PCDHA2: variants seen among roughly 807,000 people sequenced by gnomAD.
PCDHA2 encodes the protein protocadherin alpha 2, also known as protocadherin alpha-2.
In PCDHA2, 58 loss-of-function variants were observed where a neutral mutation model predicts 66.0. The observed-to-expected ratio is 0.88, with a 90% CI of 0.71 to 1.09. The LOEUF (loss-of-function observed/expected upper bound fraction) is 1.09. PCDHA2 is among the 50% of genes least tolerant of loss of function. The probability of loss-of-function intolerance (pLI) is 0.00; values close to 1 mark genes in which losing one functional copy is unlikely to be tolerated. For missense variants in PCDHA2, 1,267 were observed against 1,242.3 expected, an observed-to-expected ratio of 1.02 and a Z score of -0.30; for synonymous variants, 634 against 554.0, an observed-to-expected ratio of 1.14 and a Z score of -2.03.
intron 3 of PCDHA2, among the ~76,000 whole-genome samples, chr5:141,000,680 T>C (rs953789526): frequency 1.3e-5 from 2 of 151,376 alleles, no homozygotes; most frequent in African/African-American, 2.4e-5. Flanking sequence ...CACCTGCCTC[T>C]GCCTCCCAAA....
At chr5:140,828,094 G>A in intron 1 of PCDHA2, 2 of 1,600,150 alleles carry the variant, frequency 1.2e-6, no homozygotes, top group Non-Finnish European at 1.7e-6. Context: ...TATTTGACAT[G>A]GTGTTTACCC....
intron 1 of PCDHA2, chr5:140,861,215 A>G (rs77020201): frequency 0.081 from 13,442 of 165,830 alleles, 594 homozygotes; most frequent in Middle Eastern, 0.11. Flanking sequence ...TAACCAAAAG[A>G]GAGGCATAAT....
intron 1 of PCDHA2, chr5:140,858,504 C>A: frequency 4.8e-6 from 7 of 1,454,340 alleles, no homozygotes; most frequent in Non-Finnish European, 6.6e-6. Flanking sequence ...CGCATTTTCT[C>A]AAATATGTAT....
chr5:140,863,854 A>T (rs984993232), intron 1 of PCDHA2: 2 of 177,552 alleles, frequency 1.1e-5, no homozygotes, highest in Admixed American at 1.1e-4. Context: ...TAAAAAAATT[A>T]GCTGGGTGTG....
In PCDHA2 at chr5:141,000,611, A is replaced by T. The variant is rs185617081; in HGVS notation, c.2537-9016A>T. Among the ~76,000 whole-genome samples the T allele has an allele frequency of 4.7e-3, 713 of 150,994 alleles. 3 individuals carry two copies. Among genetic ancestry groups the T allele is most frequent in the Non-Finnish European group, 7.5e-3 (505 of 67,758 alleles). ...CCCAGCTAATTTTTGTATTTTTAGT[A>T]GAGACAGGGTTTCACCATGTTGGGC... On this transcript the variant is annotated intron_variant, in intron 3 of 3. Transcript: ENST00000526136.
intron 1 of PCDHA2, chr5:140,809,416 T>G: frequency 1.9e-6 from 3 of 1,614,080 alleles, no homozygotes; most frequent in Non-Finnish European, 2.5e-6. Context: ...TGTGCTCCAG[T>G]GCGGTGGGGA....
intron 1 of PCDHA2, chr5:140,875,400 T>C: frequency 6.7e-7 from 1 of 1,485,268 alleles, no homozygotes; most frequent in Admixed American, 2.6e-5. Flanking sequence ...AAAGGGTGAC[T>C]GCTCATAAAA....
At chr5:140,873,403 G>A (rs2054270816) in intron 1 of PCDHA2, among the ~76,000 whole-genome samples, 1 of 152,046 alleles carries the variant, frequency 6.6e-6, no homozygotes, top group South Asian at 2.1e-4. Flanking sequence ...TTCAGTACAG[G>A]TTAAAATTTT....
Position 141,004,229 on chromosome 5 carries a change from T to G in PCDHA2, c.2537-5398T>G, listed in dbSNP as rs368330742. On this transcript the variant is annotated intron_variant, in intron 3 of 3. Transcript: ENST00000526136. ...AGATTAGGAGGTCAGTCAGTGTTTG[T>G]CAGATCCTTAAGCTTTTGTTTTACT... Among the ~76,000 whole-genome samples, 5 of 152,250 alleles carry G rather than the reference T, an allele frequency of 3.3e-5. No individual in the cohort carries two copies. The East Asian group carries it at 7.7e-4, about 23-fold the overall frequency.
chr5:140,870,527 C>T, intron 1 of PCDHA2: 1 of 1,614,236 alleles, frequency 6.2e-7, no homozygotes, highest in Non-Finnish European at 8.5e-7. Context: ...CACATCTTCA[C>T]AGTGTCGGCG....
intron 1 of PCDHA2, chr5:140,809,029 G>A: frequency 3.1e-6 from 5 of 1,613,858 alleles, no homozygotes; most frequent in African/African-American, 1.3e-5. Context: ...TGCAGCCGGG[G>A]ACTGGTGGCG....
chr5:140,968,357 C>A (rs1554230636), intron 1 of PCDHA2: 2 of 1,614,080 alleles, frequency 1.2e-6, no homozygotes, highest in Non-Finnish European at 1.7e-6. Flanking sequence ...CAGTGGCAGC[C>A]TTTATGCTGT....
Position 140,842,580 on chromosome 5 carries a change from C to G in PCDHA2, c.2388+45228C>G. ...GCCCTGGACCGCGAGAGAGTGTCGG[C>G]CTATGAGTTGGTGGTAACCGCGCGG... On this transcript the variant is annotated intron_variant, in intron 1 of 3. Coordinates refer to ENST00000526136, the MANE Select transcript of PCDHA2 (RefSeq NM_018905.3). 1 of 1,517,750 alleles carries G rather than the reference C, an allele frequency of 6.6e-7. No homozygotes were observed. The highest frequency in any genetic ancestry group is 9.0e-7 in the Non-Finnish European group (1 of 1,116,480). The allele number at this position is 1,517,750 out of a possible 1,614,324, so 94.0% of individuals were successfully genotyped here. A position where few individuals can be genotyped will look rare whatever the true frequency, so the allele number is the denominator to read the frequency against.
chr5:140,876,723 C>A (rs782820769), intron 1 of PCDHA2: 15 of 1,614,132 alleles, frequency 9.3e-6, no homozygotes, highest in East Asian at 2.2e-5. Context: ...ACCGCGAGAG[C>A]GTGTCGGCCT....
intron 1 of PCDHA2, among the ~76,000 whole-genome samples, chr5:140,818,805 C>T (rs2150102410): frequency 1.3e-4 from 20 of 152,280 alleles, no homozygotes; most frequent in South Asian, 1.0e-3. Context: ...ACTCCAGCCT[C>T]GGTCAGAGTG....
intron 1 of PCDHA2, chr5:140,928,422 A>T (rs782264875): frequency 1.2e-6 from 2 of 1,614,136 alleles, no homozygotes; most frequent in Admixed American, 3.3e-5. Context: ...TCACTGCCAA[A>T]ACTTCCTTTG....
chr5:140,852,773 T>C, intron 1 of PCDHA2: 3 of 981,330 alleles, frequency 3.1e-6, no homozygotes, highest in East Asian at 1.1e-4. Context: ...GATTATTTGA[T>C]GTGAATAGAG....
chr5:140,803,015 G>A (rs1554122524), intron 1 of PCDHA2: 1 of 1,613,924 alleles, frequency 6.2e-7, no homozygotes, highest in Non-Finnish European at 8.5e-7. Context: ...ACAACGCGTG[G>A]CTTTCGTATG....
intron 1 of PCDHA2, chr5:140,802,235 T>C: frequency 6.2e-7 from 1 of 1,614,220 alleles, no homozygotes; most frequent in Non-Finnish European, 8.5e-7. Context: ...TCAATGATAA[T>C]GTACCTGAGT....
Sources: gnomAD v4.1 joint callset for allele counts (sites outside exome capture counted in the v4.1 genomes callset) on GRCh38, gnomAD v4.1.1 for gene constraint, MANE v1.5 for transcripts, NCBI Gene and HGNC (gene_info 2026-07-23, HGNC 2026-07-21) for gene names.